Variants in ZNF133 observed in about 807,000 individuals in gnomAD.
The protein encoded by ZNF133 is zinc finger protein 133.
Under a neutral mutation model 54.9 loss-of-function variants are expected in ZNF133, and 26 were observed. That is an observed-to-expected ratio of 0.47 (90% CI 0.35 to 0.66). The LOEUF (loss-of-function observed/expected upper bound fraction) is 0.66, where lower values mean the gene tolerates loss of function less well. Ranked by LOEUF, ZNF133 falls within the 30% of genes least tolerant of loss-of-function variation. The probability of loss-of-function intolerance (pLI) is 0.01; values close to 1 mark genes in which losing one functional copy is unlikely to be tolerated. For synonymous variants in ZNF133, 298 were observed against 320.3 expected (o/e 0.93, Z 0.74); for missense variants, 653 against 820.8 (o/e 0.80, Z 2.50).
At position 18,316,700 on chromosome 20, in the gene ZNF133, C is replaced by T; in HGVS notation, c.1849C>T (p.Leu617Phe). 2 of 1,614,224 alleles carry T rather than the reference C, an allele frequency of 1.2e-6. No individual in the cohort carries two copies. Among genetic ancestry groups the T allele is most frequent in the Non-Finnish European group, 1.7e-6 (2 of 1,180,042 alleles). ...VCKTCGRGFS[L>F]KSHLSRHRKT... ...CAAGACGTGTGGGCGGGGCTTCAGC[C>T]TCAAGTCTCACCTCAGCAGACACAG... The change falls in exon 7 of 7, where the codon CTC becomes TTC. Residue 617 changes from leucine to phenylalanine, a missense_variant. By Grantham distance (22) the Leu-to-Phe change is conservative (BLOSUM62 0). This residue lies in a region of ZNF133 where 129 missense variants were observed against 138.5 expected (regional missense o/e 0.93). Coordinates refer to ENST00000425686, the MANE Select transcript of ZNF133 (RefSeq NM_001352452.2).
At chr20:18,300,891 A>G (rs981041402) in intron 3 of ZNF133, among the ~76,000 whole-genome samples, 9 of 152,118 alleles carry the variant, frequency 5.9e-5, no homozygotes, top group African/African-American at 2.2e-4. Flanking sequence ...AATAATGGAT[A>G]GAACAATAAG....
chr20:18,311,322 G>A (rs2045889943), intron 6 of ZNF133, among the ~76,000 whole-genome samples: 1 of 152,108 alleles, frequency 6.6e-6, no homozygotes, highest in Admixed American at 6.5e-5. Context: ...CTATCTGTAA[G>A]AAATTTAAAA....
At chr20:18,293,583 A>T (rs2041560827) in intron 1 of ZNF133, among the ~76,000 whole-genome samples, 1 of 152,248 alleles carries the variant, frequency 6.6e-6, no homozygotes, top group Non-Finnish European at 1.5e-5. Context: ...CCAATGTTTA[A>T]AGCTGGAATA....
In ZNF133 at chr20:18,297,701, A is replaced by C. The variant is rs1364312275; in HGVS notation, c.-431-284A>C. 2.6e-5 allele frequency among the ~76,000 whole-genome samples: 4 copies of C among 152,196 alleles called. No homozygotes were observed. In the East Asian group the frequency reaches 7.7e-4, roughly 29 times the overall value. ...TGCTTCTGGCAGTGTAGCAAAGTAC[A>C]GTTTCTTTACTGGATTGCAGGGGAA... On this transcript the variant is annotated intron_variant, in intron 1 of 6. Transcript: ENST00000425686.
intron 1 of ZNF133, among the ~76,000 whole-genome samples, chr20:18,295,837 A>AT (rs1446777763): frequency 6.6e-6 from 1 of 151,828 alleles, no homozygotes; most frequent in Non-Finnish European, 1.5e-5. Context: ...ATTTTTTAAA[A>AT]TTTTTTTGTA....
chr20:18,290,644 C>T (rs2040745851), intron 1 of ZNF133, among the ~76,000 whole-genome samples: 1 of 152,052 alleles, frequency 6.6e-6, no homozygotes. Flanking sequence ...CCAGTCAGAA[C>T]AGCCCTGGTC....
chr20:18,301,169 T>C (rs2043283377), intron 3 of ZNF133, among the ~76,000 whole-genome samples: 1 of 152,110 alleles, frequency 6.6e-6, no homozygotes, highest in African/African-American at 2.4e-5. Flanking sequence ...TTAAAGAACA[T>C]ACTCTTAAAC....
rs1568801427 is a variant in ZNF133 at position 18,315,068 on chromosome 20, G to A, written c.218-1G>A. The stretch of plus-strand genomic sequence containing the variant: ...TGTGACTCACACTTTTCTCTCTGCA[G>A]CAGATCCAGAGCCAGAGCTCTACCT... On this transcript the variant is annotated splice_acceptor_variant, in intron 6 of 6. Transcript: ENST00000425686. LOFTEE classifies it high-confidence loss of function. 1.3e-6 allele frequency: 2 copies of A among 1,524,266 alleles called. No homozygotes were observed. Among genetic ancestry groups the A allele is most frequent in the East Asian group, 4.5e-5 (2 of 44,136 alleles). 94.4% of individuals were successfully genotyped at this position (1,524,266 alleles called of 1,614,324 possible).
rs558170426 is a variant in ZNF133 at position 18,301,191 on chromosome 20, G to C, written c.-178+2727G>C. ...ACATACTCTTAAACCAGTAGGTAGA[G>C]GAATAAACTACAAGGGAAATTAGAC... On this transcript the variant is annotated intron_variant, in intron 3 of 6. Transcript: ENST00000425686. Among the ~76,000 whole-genome samples the C allele has an allele frequency of 1.8e-4, 28 of 152,188 alleles. No individual in the cohort carries two copies. The South Asian group carries it at 5.4e-3, about 29-fold the overall frequency.
intron 3 of ZNF133, among the ~76,000 whole-genome samples, chr20:18,302,045 T>C (rs936677531): frequency 6.6e-5 from 10 of 152,276 alleles, no homozygotes; most frequent in Non-Finnish European, 1.2e-4. Flanking sequence ...TTGAAAAGAA[T>C]TATACACCAT....
intron 2 of ZNF133, 27 bp downstream of exon 2, chr20:18,298,089 G>T: frequency 5.9e-6 from 9 of 1,535,306 alleles, no homozygotes; most frequent in Middle Eastern, 1.7e-4. Context: ...TCCATTACTG[G>T]CTGTAACAGG....
chr20:18,293,877 GA>G (rs2041658794), intron 1 of ZNF133, among the ~76,000 whole-genome samples: 1 of 152,216 alleles, frequency 6.6e-6, no homozygotes, highest in Non-Finnish European at 1.5e-5. Flanking sequence ...TGGGGAGACA[GA>G]ACAGCTTTGA....
At position 18,316,660 on chromosome 20, in the gene ZNF133, G is replaced by T; in HGVS notation, c.1809G>T (p.Glu603Asp). The T allele has an allele frequency of 6.2e-7, 1 of 1,613,900 alleles. No individual in the cohort carries two copies. The change falls in exon 7 of 7, where the codon GAG becomes GAT. Residue 603 changes from glutamate to aspartate, a missense_variant. Transcript: ENST00000425686. The stretch of plus-strand genomic sequence containing the variant: ...TACATCAAATGACACATACGGGGGA[G>T]AAGCCATATGTGTGCAAGACGTGTG... ...LTLHQMTHTG[E>D]KPYVCKTCGR...
At position 18,298,082 on chromosome 20, in the gene ZNF133, A is replaced by AC; in HGVS notation, c.-354+20_-354+21insC. On this transcript the variant is annotated intron_variant, in intron 2 of 6. Coordinates refer to ENST00000425686, the MANE Select transcript of ZNF133 (RefSeq NM_001352452.2). ...GGAATGGTGAGTGTTTCCTGTCTCC[A>AC]TTACTGGCTGTAACAGGATGGACAC... 1 of 1,535,410 alleles carries AC rather than the reference A, an allele frequency of 6.5e-7. No homozygotes were observed. Among genetic ancestry groups the AC allele is most frequent in the Non-Finnish European group, 8.7e-7 (1 of 1,146,750 alleles).
At chr20:18,313,397 T>C (rs1318900478) in intron 6 of ZNF133, 5 of 152,234 alleles carry the variant, frequency 3.3e-5, no homozygotes, top group Non-Finnish European at 5.9e-5. Context: ...AGGGCTGTAA[T>C]AAGCCTACAT....
intron 1 of ZNF133, among the ~76,000 whole-genome samples, chr20:18,297,162 TTGTC>T (rs983300790): frequency 2.0e-5 from 3 of 152,188 alleles, no homozygotes; most frequent in African/African-American, 7.2e-5. Context: ...TATTACTTCT[TTGTC>T]TGTTTTCCTT....
intron 1 of ZNF133, among the ~76,000 whole-genome samples, chr20:18,297,184 T>G (rs1340096772): frequency 6.6e-6 from 1 of 152,184 alleles, no homozygotes; most frequent in Non-Finnish European, 1.5e-5. Context: ...CTTTCCAGCT[T>G]CTTTCTCTCT....
At chr20:18,314,955 C>T (rs945023628) in intron 6 of ZNF133, 114 bp from the exon 7 acceptor site, 5 of 1,027,936 alleles carry the variant, frequency 4.9e-6, no homozygotes, top group African/African-American at 3.2e-5. Flanking sequence ...AAGGAAGTCC[C>T]GGTTGGATGG....
At chr20:18,310,297 A>G in intron 6 of ZNF133, 2 of 1,533,092 alleles carry the variant, frequency 1.3e-6, no homozygotes, top group Non-Finnish European at 8.7e-7. Flanking sequence ...CGGGAGGAAG[A>G]CTGTTCTAGG....
Sources: allele counts gnomAD v4.1 joint callset (sites outside exome capture counted in the v4.1 genomes callset), GRCh38; gene constraint gnomAD v4.1.1; regional missense constraint gnomAD v4.1.1; transcripts MANE v1.5; gene names NCBI Gene and HGNC (gene_info 2026-07-23, HGNC 2026-07-21).